The following DNAH11 variants were observed in gnomAD, a reference collection of about 807,000 sequenced individuals.
DNAH11 encodes the protein dynein axonemal heavy chain 11.
A neutral mutation model predicts 526.0 loss-of-function variants in DNAH11; 442 were observed. The observed-to-expected ratio is 0.84, with a 90% CI of 0.78 to 0.91. The LOEUF (loss-of-function observed/expected upper bound fraction) is 0.91. Among genes scored for constraint, DNAH11 ranks in the 40% least tolerant of loss-of-function variants. The pLI is 0.00. For synonymous variants in DNAH11, 2,461 were observed against 1,935.9 expected, an observed-to-expected ratio of 1.27 and a Z score of -7.12; for missense variants, 6,989 against 5,448.7, an observed-to-expected ratio of 1.28 and a Z score of -8.90.
intron 57 of DNAH11, among the ~76,000 whole-genome samples, chr7:21,781,681 A>G (rs1006759966): frequency 6.6e-6 from 1 of 152,148 alleles, no homozygotes; most frequent in African/African-American, 2.4e-5. Context: ...GTTTTAGAGG[A>G]TCATAAGGAA....
rs1786076985 is a variant in DNAH11, at chr7:21,744,933, A to G, written c.8380A>G (p.Lys2794Glu). 1 of 1,610,924 alleles carries G rather than the reference A, an allele frequency of 6.2e-7. No homozygotes were observed. Among genetic ancestry groups the G allele is most frequent in the Non-Finnish European group, 8.5e-7 (1 of 1,178,596 alleles). ...TTATTGCCACTTTGCTGATAGAGGG[A>G]AGGACCCACATTACATGCCAGTGAA... ...LIYCHFADRG[K>E]DPHYMPVKDW... The change falls in exon 51 of 82, where the codon AAG becomes GAG. Residue 2794 changes from lysine to glutamate, a missense_variant. Physicochemically the swap from Lys to Glu is moderately conservative, Grantham distance 56. Transcript: ENST00000409508.
intron 61 of DNAH11, among the ~76,000 whole-genome samples, chr7:21,800,775 A>G (rs146596392): frequency 7.1e-4 from 108 of 152,340 alleles, no homozygotes; most frequent in African/African-American, 2.4e-3. Flanking sequence ...GTTGTCTTTA[A>G]TAAAGCTGGT....
At chr7:21,840,967 A>C (rs1464526326) in intron 65 of DNAH11, among the ~76,000 whole-genome samples, 1 of 152,160 alleles carries the variant, frequency 6.6e-6, no homozygotes, top group Non-Finnish European at 1.5e-5. Context: ...GGATCACCTG[A>C]GGTCAGTAGT....
intron 14 of DNAH11, among the ~76,000 whole-genome samples, chr7:21,593,619 C>T (rs567318758): frequency 6.8e-4 from 103 of 151,992 alleles, no homozygotes; most frequent in Admixed American, 2.9e-3. Context: ...GACAGGAGCG[C>T]GGAGCATTCA....
chr7:21,682,052 G>T (rs1783164981), intron 31 of DNAH11, among the ~76,000 whole-genome samples: 1 of 152,164 alleles, frequency 6.6e-6, no homozygotes, highest in African/African-American at 2.4e-5. Flanking sequence ...TTATGTGTAT[G>T]TGATTTAAAC....
chr7:21,599,957 A>G lies in DNAH11; in HGVS notation c.2838A>G (p.Ala946=). 1.2e-6 allele frequency: 2 copies of G among 1,613,786 alleles called. No homozygotes were observed. Among genetic ancestry groups the G allele is most frequent in the African/African-American group, 1.3e-5 (1 of 75,028 alleles). Residue 946 remains alanine (A), a synonymous_variant, in exon 15 of 82, where the codon GCA becomes GCG. Transcript: ENST00000409508. ...TGAAACCGGCACCGTTTTTTCAAGC[A>G]CAAATGATCTTGTTGCCTCCTGAGA... ...KQLKPAPFFQ[A]QMILLPPEIV...
intron 30 of DNAH11, among the ~76,000 whole-genome samples, chr7:21,665,570 T>C (rs1782392491): frequency 6.6e-6 from 1 of 152,134 alleles, no homozygotes; most frequent in Non-Finnish European, 1.5e-5. Flanking sequence ...CTTATAAAAT[T>C]ATTCATATCC....
intron 65 of DNAH11, among the ~76,000 whole-genome samples, chr7:21,837,646 G>T (rs937750357): frequency 6.6e-6 from 1 of 151,992 alleles, no homozygotes; most frequent in African/African-American, 2.4e-5. Flanking sequence ...ATAGATCATC[G>T]TTACTTTTTT....
chr7:21,589,541 C>A lies in DNAH11; in HGVS notation c.2169+138C>A. ...GACTGTAACTGTAAACAATTTCTTACAGGTCTTCATTGTAGAGATTTGTTT... is the reference window on the plus strand; with the variant it reads ...GACTGTAACTGTAAACAATTTCTTAAAGGTCTTCATTGTAGAGATTTGTTT... On this transcript the variant is annotated intron_variant, in intron 12 of 81. Coordinates refer to ENST00000409508, the MANE Select transcript of DNAH11 (RefSeq NM_001277115.2). 9.2e-6 allele frequency: 6 copies of A among 651,202 alleles called. No homozygotes were observed. In the Middle Eastern group the frequency reaches 1.3e-3, roughly 140 times the overall value. The allele number at this position is 651,202 out of a possible 1,614,324, so 40.3% of individuals were successfully genotyped here. A position where few individuals can be genotyped will look rare whatever the true frequency, so the allele number is the denominator to read the frequency against.
intron 62 of DNAH11, among the ~76,000 whole-genome samples, chr7:21,806,158 T>C (rs1175425623): frequency 6.6e-6 from 1 of 152,232 alleles, no homozygotes; most frequent in Admixed American, 6.5e-5. Flanking sequence ...TCAGTAATGA[T>C]TTATGTTGCA....
At chr7:21,757,549 A>G (rs935128883) in intron 54 of DNAH11, among the ~76,000 whole-genome samples, 2 of 152,176 alleles carry the variant, frequency 1.3e-5, no homozygotes, top group Admixed American at 6.5e-5. Context: ...TATTAAATCA[A>G]CTTCGGAGGA....
intron 74 of DNAH11, among the ~76,000 whole-genome samples, chr7:21,877,994 T>C (rs570269649): frequency 6.6e-6 from 1 of 152,244 alleles, no homozygotes; most frequent in East Asian, 1.9e-4. Context: ...TAGATTTCTG[T>C]TTCTGTAAAA....
intron 66 of DNAH11, among the ~76,000 whole-genome samples, chr7:21,848,631 C>A (rs1319286759): frequency 6.6e-6 from 1 of 152,006 alleles, no homozygotes; most frequent in Non-Finnish European, 1.5e-5. Flanking sequence ...CTCGCTCTCT[C>A]TCTCTGTATA....
At chr7:21,572,047 G>A in intron 8 of DNAH11, 74 bp downstream of exon 8, 2 of 1,272,932 alleles carry the variant, frequency 1.6e-6, no homozygotes, top group Non-Finnish European at 2.1e-6. Flanking sequence ...ATAGGTCACA[G>A]TGATAATAGG....
rs964403957 is a variant in DNAH11, at chr7:21,671,456, C to A, written c.5329-10090C>A. ...AATTTACTGATGTAAGTTGGTCATG[C>A]TATTTCAGTATTATCCTCAGAACAT... On this transcript the variant is annotated intron_variant, in intron 30 of 81. Coordinates refer to ENST00000409508, the MANE Select transcript of DNAH11 (RefSeq NM_001277115.2). Among the ~76,000 whole-genome samples the A allele has an allele frequency of 2.7e-4, 41 of 152,290 alleles. No homozygotes were observed. The East Asian group carries it at 5.0e-3, about 19-fold the overall frequency.
At chr7:21,848,223 G>C (rs2128020795) in intron 66 of DNAH11, among the ~76,000 whole-genome samples, 1 of 148,354 alleles carries the variant, frequency 6.7e-6, no homozygotes, top group East Asian at 2.0e-4. Context: ...CTTTTATTAT[G>C]TAATGCACTT....
rs1317062597 is a variant in DNAH11, at chr7:21,901,553, A to C, written c.*299A>C. 2 of 229,164 alleles carry C rather than the reference A, an allele frequency of 8.7e-6. No homozygotes were observed. Among genetic ancestry groups the C allele is most frequent in the African/African-American group, 4.5e-5 (2 of 44,374 alleles). 14.2% of individuals were successfully genotyped at this position (229,164 alleles called of 1,614,324 possible). On this transcript the variant is annotated 3_prime_UTR_variant, in exon 82 of 82. Coordinates refer to ENST00000409508, the MANE Select transcript of DNAH11 (RefSeq NM_001277115.2). ...CACTGCACTCCCTCCTGGGCAACAG[A>C]ACAAGACTCCATCTCAAAAAAAAAA...
rs943752785 is a variant in DNAH11, at chr7:21,740,632, C to G, written c.7914+959C>G. 2.0e-5 allele frequency among the ~76,000 whole-genome samples: 3 copies of G among 152,184 alleles called. No homozygotes were observed. In the South Asian group the frequency reaches 6.2e-4, roughly 31 times the overall value. On this transcript the variant is annotated intron_variant, in intron 48 of 81. Coordinates refer to ENST00000409508, the MANE Select transcript of DNAH11 (RefSeq NM_001277115.2). ...CCTTAGTTATTCATTCGTTGATGGA[C>G]ACTTGGGTTGCTTCCACACTTTAGC...
At chr7:21,769,041 A>G (rs1174596867) in intron 55 of DNAH11, among the ~76,000 whole-genome samples, 2 of 151,734 alleles carry the variant, frequency 1.3e-5, no homozygotes, top group African/African-American at 4.9e-5. Flanking sequence ...ATGAATAAAA[A>G]GTAGAAAGAT....
Sources: gnomAD v4.1 joint callset for allele counts (sites outside exome capture counted in the v4.1 genomes callset) on GRCh38, gnomAD v4.1.1 for gene constraint, MANE v1.5 for transcripts, NCBI Gene and HGNC (gene_info 2026-07-23, HGNC 2026-07-21) for gene names.